Variants in MTUS2 observed in about 807,000 individuals in gnomAD.
The protein encoded by MTUS2 is microtubule-associated tumor suppressor candidate 2.
MTUS2 carries 40 observed loss-of-function variants against 114.1 expected under a neutral mutation model. The ratio of observed to expected loss-of-function variants is 0.35; its 90% CI spans 0.27 to 0.46. MTUS2 has a LOEUF of 0.46. Among genes scored for constraint, MTUS2 ranks in the 20% least tolerant of loss-of-function variants. MTUS2 has a pLI of 1.00. For synonymous variants in MTUS2, 688 were observed against 672.0 expected (o/e 1.02, Z -0.37); for missense variants, 1,679 against 1,705.4 (o/e 0.98, Z 0.27).
chr13:29,164,887 C>G (rs553037768), intron 5 of MTUS2, among the ~76,000 whole-genome samples: 62 of 152,088 alleles, frequency 4.1e-4, no homozygotes, highest in African/African-American at 1.4e-3. Flanking sequence ...GTTTTTTCTG[C>G]CTAAGCACTG....
At chr13:29,263,401 G>T (rs1336993398) in intron 5 of MTUS2, among the ~76,000 whole-genome samples, 1 of 152,174 alleles carries the variant, frequency 6.6e-6, no homozygotes, top group Non-Finnish European at 1.5e-5. Flanking sequence ...CCACCTTCTG[G>T]CTTAGTTAGA....
intron 4 of MTUS2, among the ~76,000 whole-genome samples, chr13:29,097,309 TTGTTATTTTAAA>T (rs1435474807): frequency 6.6e-6 from 1 of 152,192 alleles, no homozygotes; most frequent in Non-Finnish European, 1.5e-5. Flanking sequence ...TAAATGGTGG[TTGTTATTTTAAA>T]TGTTATTTTA....
At chr13:28,862,801 A>G (rs1485918079) in intron 2 of MTUS2, among the ~76,000 whole-genome samples, 2 of 152,226 alleles carry the variant, frequency 1.3e-5, no homozygotes. Flanking sequence ...ATGATAGTAA[A>G]GGAAAAATTA....
At chr13:29,290,483 C>T (rs1237115697) in intron 6 of MTUS2, among the ~76,000 whole-genome samples, 11 of 152,166 alleles carry the variant, frequency 7.2e-5, no homozygotes, top group African/African-American at 2.2e-4. Context: ...GCGCCTGCCA[C>T]CACGCCTGGC....
chr13:28,918,032 C>T (rs1322562736), intron 2 of MTUS2, among the ~76,000 whole-genome samples: 1 of 151,578 alleles, frequency 6.6e-6, no homozygotes, highest in Admixed American at 6.6e-5. Context: ...CAAAAGTCTT[C>T]TGTTATTGAT....
At chr13:28,933,118 AACACACACACACACACACAC>A (rs59162969) in intron 2 of MTUS2, among the ~76,000 whole-genome samples, 7 of 145,328 alleles carry the variant, frequency 4.8e-5, no homozygotes, top group South Asian at 2.3e-4. Flanking sequence ...GGAGAATCAG[AACACACACACACACACACAC>A]ACACACACAC....
intron 5 of MTUS2, among the ~76,000 whole-genome samples, chr13:29,117,656 G>A (rs745464044): frequency 2.9e-4 from 44 of 152,206 alleles, no homozygotes; most frequent in Non-Finnish European, 5.7e-4. Context: ...TCCCACCATA[G>A]CCGCTGTGAC....
At chr13:29,064,514 G>A (rs1015179422) in intron 4 of MTUS2, among the ~76,000 whole-genome samples, 2 of 151,404 alleles carry the variant, frequency 1.3e-5, no homozygotes, top group Non-Finnish European at 2.9e-5. Context: ...GTAATGTAGG[G>A]AGGCCAGTGA....
intron 2 of MTUS2, among the ~76,000 whole-genome samples, chr13:28,979,360 A>C (rs555469433): frequency 1.3e-5 from 2 of 152,216 alleles, no homozygotes; most frequent in African/African-American, 4.8e-5. Context: ...AACAAAAATT[A>C]TTGAAAATTA....
At chr13:29,081,956 G>T (rs967824717) in intron 4 of MTUS2, among the ~76,000 whole-genome samples, 1 of 152,150 alleles carries the variant, frequency 6.6e-6, no homozygotes, top group Non-Finnish European at 1.5e-5. Flanking sequence ...ACTGCCTGAA[G>T]TTTGTCCGAT....
chr13:28,853,604 G>A (rs1876439157), intron 2 of MTUS2, among the ~76,000 whole-genome samples: 2 of 152,178 alleles, frequency 1.3e-5, no homozygotes, highest in Admixed American at 6.5e-5. Context: ...CTGCATATGT[G>A]TATGGGATTA....
intron 2 of MTUS2, among the ~76,000 whole-genome samples, chr13:28,989,219 C>T (rs551768064): frequency 5.2e-4 from 79 of 152,284 alleles, no homozygotes; most frequent in Middle Eastern, 3.4e-3. Flanking sequence ...GAAAGAGCCA[C>T]AGAGTCCAGG....
intron 5 of MTUS2, among the ~76,000 whole-genome samples, chr13:29,252,563 C>T (rs1278623512): frequency 1.3e-5 from 2 of 152,068 alleles, no homozygotes; most frequent in African/African-American, 2.4e-5. Context: ...AATTTCTCAC[C>T]CTAAAGCAGT....
rs1006500495 is a variant in MTUS2 at position 28,825,129 on chromosome 13, C to T, written c.-316+4518C>T. 6.6e-5 allele frequency among the ~76,000 whole-genome samples: 10 copies of T among 152,152 alleles called. No homozygotes were observed. The South Asian group carries it at 8.3e-4, about 13-fold the overall frequency. On this transcript the variant is annotated intron_variant, in intron 1 of 15. Coordinates refer to ENST00000612955, the MANE Select transcript of MTUS2 (RefSeq NM_001033602.4). ...CACTCCAGCCACCTGAGGCTGCCCA[C>T]GAACACTGGTGTTGTTCTTGGGGCC... is the stretch of plus-strand genomic sequence containing the variant.
chr13:29,498,664 A>T, intron 14 of MTUS2, 127 bp downstream of exon 14: 1 of 1,293,352 alleles, frequency 7.7e-7, no homozygotes, highest in Non-Finnish European at 1.1e-6. Flanking sequence ...CCAAGCAGAA[A>T]ATCCCACAGC....
intron 5 of MTUS2, among the ~76,000 whole-genome samples, chr13:29,197,190 G>A (rs930587495): frequency 5.3e-5 from 8 of 152,096 alleles, no homozygotes; most frequent in Non-Finnish European, 4.4e-5. Context: ...CCATTCGTTA[G>A]GTATTTGTCC....
intron 5 of MTUS2, among the ~76,000 whole-genome samples, chr13:29,270,085 G>A (rs79897730): frequency 6.6e-6 from 1 of 152,100 alleles, no homozygotes; most frequent in Non-Finnish European, 1.5e-5. Flanking sequence ...CGTTCGTTGG[G>A]TATAAAGTTT....
At chr13:28,985,305 A>G (rs990154178) in intron 2 of MTUS2, among the ~76,000 whole-genome samples, 2 of 152,236 alleles carry the variant, frequency 1.3e-5, no homozygotes, top group Non-Finnish European at 2.9e-5. Context: ...CTTTGAAAGC[A>G]GAACACAAGG....
chr13:29,258,774 G>A (rs370526547), intron 5 of MTUS2, among the ~76,000 whole-genome samples: 2 of 152,082 alleles, frequency 1.3e-5, no homozygotes, highest in Admixed American at 6.5e-5. Flanking sequence ...CCTGAGGGCT[G>A]CAGACTGACC....
Sources: gnomAD v4.1 joint callset for allele counts (sites outside exome capture counted in the v4.1 genomes callset) on GRCh38, gnomAD v4.1.1 for gene constraint, MANE v1.5 for transcripts, NCBI Gene and HGNC (gene_info 2026-07-23, HGNC 2026-07-21) for gene names.